PRKCB: variants seen among roughly 807,000 people sequenced by gnomAD.
PRKCB encodes the protein protein kinase C beta, also known as protein kinase C beta type.
In PRKCB, 13 loss-of-function variants were observed where a neutral mutation model predicts 81.5. The observed-to-expected ratio is 0.16, with a 90% CI of 0.10 to 0.25. PRKCB has a LOEUF of 0.25. Ranked by LOEUF, PRKCB falls within the 10% of genes least tolerant of loss-of-function variation. PRKCB has a pLI of 1.00. For synonymous variants in PRKCB, 335 were observed against 321.4 expected (o/e 1.04, Z -0.45); for missense variants, 509 against 875.7 (o/e 0.58, Z 5.29).
At chr16:24,191,362 C>T (rs1967790746) in intron 16 of PRKCB, 132 bp downstream of exon 16, 1 of 951,516 alleles carries the variant, frequency 1.1e-6, no homozygotes, top group Non-Finnish European at 1.6e-6. Flanking sequence ...TATGTATTCA[C>T]ACATATGCAC....
chr16:24,111,272 G>GTCC (rs1380280141), intron 7 of PRKCB: 1 of 152,206 alleles, frequency 6.6e-6, no homozygotes, highest in African/African-American at 2.4e-5. Context: ...TGGAAGCTGC[G>GTCC]TAAGAAGATT....
chr16:24,026,938 T>G (rs950931347), intron 3 of PRKCB, among the ~76,000 whole-genome samples: 3 of 152,158 alleles, frequency 2.0e-5, no homozygotes, highest in Admixed American at 6.6e-5. Flanking sequence ...AGAGGTTAAG[T>G]AGGGGTGTAA....
At position 24,021,339 on chromosome 16, in the gene PRKCB, CT is replaced by C. The variant is rs1477946477; in HGVS notation, c.289-10795del. 1.3e-3 allele frequency among the ~76,000 whole-genome samples: 92 copies of C among 73,138 alleles called. 8 individuals carry two copies. The highest frequency in any genetic ancestry group is 3.0e-3 in the African/African-American group (42 of 14,180). The allele number at this position is 73,138 out of a possible 152,430, so 48.0% of individuals were successfully genotyped here. A position where few individuals can be genotyped will look rare whatever the true frequency, so the allele number is the denominator to read the frequency against. On this transcript the variant is annotated intron_variant, in intron 3 of 16. Transcript: ENST00000643927. ...CCTTCCTTCCTTCCTTCCTTCCTTC[CT>C]TCCTTCCTTCCTTCCTCCTTCCCTC... is the stretch of plus-strand genomic sequence containing the variant.
intron 2 of PRKCB, among the ~76,000 whole-genome samples, chr16:23,860,239 C>CA (rs897761732): frequency 1.5e-4 from 23 of 151,568 alleles, no homozygotes; most frequent in African/African-American, 4.8e-4. Flanking sequence ...CACTTAGTAC[C>CA]AAAAAAAAGT....
At chr16:23,977,389 C>T (rs1471899671) in intron 2 of PRKCB, among the ~76,000 whole-genome samples, 3 of 152,128 alleles carry the variant, frequency 2.0e-5, no homozygotes, top group African/African-American at 7.2e-5. Flanking sequence ...TGCCCACCAC[C>T]CTCTCCTCAC....
intron 2 of PRKCB, among the ~76,000 whole-genome samples, chr16:23,975,442 G>A (rs754988564): frequency 3.3e-5 from 5 of 152,084 alleles, no homozygotes; most frequent in Non-Finnish European, 7.3e-5. Context: ...GGTCTAAATC[G>A]CTGTTGCATC....
In PRKCB at chr16:23,928,894, T is replaced by C. The variant is rs1963933661; in HGVS notation, c.206-59614T>C. On this transcript the variant is annotated intron_variant, in intron 2 of 16. Transcript: ENST00000643927. ...CAACCATACCTGGCTAATTTTTGTATTTTTAGTAGAGACGGGGTTTTGCCA... is the reference window on the plus strand; with the variant it reads ...CAACCATACCTGGCTAATTTTTGTACTTTTAGTAGAGACGGGGTTTTGCCA... Among the ~76,000 whole-genome samples, 2 of 151,940 alleles carry C rather than the reference T, an allele frequency of 1.3e-5. 1 individual carries two copies. The highest frequency in any genetic ancestry group is 4.2e-4 in the South Asian group (2 of 4,818).
intron 2 of PRKCB, among the ~76,000 whole-genome samples, chr16:23,839,018 C>A (rs760304979): frequency 6.6e-6 from 1 of 152,188 alleles, no homozygotes; most frequent in Non-Finnish European, 1.5e-5. Flanking sequence ...CCTTTCACTT[C>A]CATGAATCAG....
chr16:24,191,068 A>C, intron 15 of PRKCB, 22 bp from the exon 16 acceptor site: 1 of 1,609,584 alleles, frequency 6.2e-7, no homozygotes, highest in Non-Finnish European at 8.5e-7. Flanking sequence ...CAGCAAATTC[A>C]ATGTTTTTCT....
At chr16:24,029,601 T>C (rs1965525275) in intron 3 of PRKCB, among the ~76,000 whole-genome samples, 2 of 54,836 alleles carry the variant, frequency 3.6e-5, no homozygotes, top group South Asian at 2.9e-3. Flanking sequence ...AGCAGACTAA[T>C]ACAGTATGGA....
chr16:24,106,138 C>T (rs1966576226), intron 7 of PRKCB, among the ~76,000 whole-genome samples: 1 of 151,374 alleles, frequency 6.6e-6, no homozygotes, highest in Non-Finnish European at 1.5e-5. Context: ...AAAACTAATG[C>T]TTTGGAATCA....
chr16:24,172,408 G>A lies in PRKCB; in HGVS notation c.1331+47G>A, dbSNP rs555825233. The A allele has an allele frequency of 9.1e-6, 14 of 1,535,234 alleles. No homozygotes were observed. The Admixed American group carries it at 1.4e-4, about 15-fold the overall frequency. ...GCTTTCTCCTTGGGATAAATGGGTA[G>A]GTTAGTGGTTCCTTTGAGGGTGTTT... On this transcript the variant is annotated intron_variant, in intron 11 of 16. Coordinates refer to ENST00000643927, the MANE Select transcript of PRKCB (RefSeq NM_002738.7).
At chr16:24,208,006 G>C (rs1490553214) in intron 16 of PRKCB, 1 of 152,328 alleles carries the variant, frequency 6.6e-6, no homozygotes, top group African/African-American at 2.4e-5. Flanking sequence ...TCCAGGAACA[G>C]GTCCTAAATG....
chr16:24,025,221 G>A (rs1228231943), intron 3 of PRKCB, among the ~76,000 whole-genome samples: 1 of 152,192 alleles, frequency 6.6e-6, no homozygotes, highest in African/African-American at 2.4e-5. Flanking sequence ...GGGGTTTGCA[G>A]TGGCCAACAG....
intron 2 of PRKCB, among the ~76,000 whole-genome samples, chr16:23,981,575 T>C (rs1463893803): frequency 6.8e-6 from 1 of 147,154 alleles, no homozygotes; most frequent in Non-Finnish European, 1.5e-5. Context: ...CTTTCCTTTC[T>C]TTTCCTTTCC....
intron 3 of PRKCB, among the ~76,000 whole-genome samples, chr16:24,020,976 T>TTTACTTTC (rs1195937545): frequency 6.2e-5 from 6 of 96,630 alleles, no homozygotes; most frequent in Non-Finnish European, 1.2e-4. Context: ...AGACTTTTCT[T>TTTACTTTC]TTTCTTTCTT....
intron 2 of PRKCB, among the ~76,000 whole-genome samples, chr16:23,852,737 A>G (rs896406037): frequency 2.0e-5 from 3 of 152,240 alleles, no homozygotes; most frequent in African/African-American, 7.2e-5. Context: ...CACAATCCCT[A>G]TCAACCGTAT....
chr16:24,180,699 A>AAC (rs72052424), intron 12 of PRKCB, 91 bp from the exon 13 acceptor site: 1 of 1,473,194 alleles, frequency 6.8e-7, no homozygotes, highest in Non-Finnish European at 9.3e-7. Flanking sequence ...CACAACACCT[A>AAC]ACACAGTGTT....
chr16:23,941,376 G>C (rs959253259), intron 2 of PRKCB, among the ~76,000 whole-genome samples: 3 of 152,032 alleles, frequency 2.0e-5, no homozygotes, highest in Non-Finnish European at 4.4e-5. Context: ...CTAGACCATA[G>C]GGAAAAAGGA....
Sources: gnomAD v4.1 joint callset for allele counts (sites outside exome capture counted in the v4.1 genomes callset) on GRCh38, gnomAD v4.1.1 for gene constraint, MANE v1.5 for transcripts, NCBI Gene and HGNC (gene_info 2026-07-23, HGNC 2026-07-21) for gene names.